The following MRPL50 variants were observed in gnomAD, a reference collection of about 807,000 sequenced individuals.
The protein encoded by MRPL50 is large ribosomal subunit protein mL50.
A neutral mutation model predicts 16.2 loss-of-function variants in MRPL50; 10 were observed. The ratio of observed to expected loss-of-function variants is 0.62; its 90% CI spans 0.38 to 1.05. The LOEUF (loss-of-function observed/expected upper bound fraction) is 1.05. Ranked by LOEUF, MRPL50 falls within the 50% of genes least tolerant of loss-of-function variation. The pLI is 0.01. For synonymous variants in MRPL50, 68 were observed against 66.8 expected, an observed-to-expected ratio of 1.02 and a Z score of -0.09; for missense variants, 213 against 187.1, an observed-to-expected ratio of 1.14 and a Z score of -0.81.
rs995305188 is a variant in MRPL50, at chr9:101,389,740, C to G, written c.*726G>C. 1 of 225,910 alleles carries G rather than the reference C, an allele frequency of 4.4e-6. No homozygotes were observed. The highest frequency in any genetic ancestry group is 8.6e-6 in the Non-Finnish European group (1 of 116,748). The allele number at this position is 225,910 out of a possible 1,614,324, so 14.0% of individuals were successfully genotyped here. Reference sequence around the variant, plus strand: ...AAGACTTGCCACTCTAGTGAATACTCAGCACCACTTTTTAAAAGTTATAGA... The same window carrying G: ...AAGACTTGCCACTCTAGTGAATACTGAGCACCACTTTTTAAAAGTTATAGA... On this transcript the variant is annotated 3_prime_UTR_variant, in exon 2 of 2. Transcript: ENST00000374865.
chr9:101,389,590 TCATTACTCTCCAGC>T lies in MRPL50; in HGVS notation c.*862_*875del. On this transcript the variant is annotated 3_prime_UTR_variant, in exon 2 of 2. Coordinates refer to ENST00000374865, the MANE Select transcript of MRPL50 (RefSeq NM_019051.3). ...AACAATATAAGACATTCCTTCTGTC[TCATTACTCTCCAGC>T]CATATCTAAAGCTTGAAAAAAAAAT... is the stretch of plus-strand genomic sequence containing the variant. The T allele has an allele frequency of 1.5e-6, 1 of 662,274 alleles. No homozygotes were observed. Among genetic ancestry groups the T allele is most frequent in the South Asian group, 1.8e-5 (1 of 54,256 alleles). 41.0% of individuals were successfully genotyped at this position (662,274 alleles called of 1,614,324 possible).
chr9:101,393,803 T>C (rs950396661), intron 1 of MRPL50, among the ~76,000 whole-genome samples: 1 of 151,624 alleles, frequency 6.6e-6, no homozygotes, highest in Non-Finnish European at 1.5e-5. Context: ...ACACAAAAAA[T>C]GGAGATATCC....
In MRPL50 at chr9:101,387,933, A is replaced by G. The variant is rs898111657; in HGVS notation, c.*2533T>C. On this transcript the variant is annotated 3_prime_UTR_variant, in exon 2 of 2. Transcript: ENST00000374865. ...TAAAGGCCATTATTCTGATATATTC[A>G]CTGTATTGAACTATAAACCAGTGAT... 2.0e-5 allele frequency: 3 copies of G among 152,102 alleles called. No homozygotes were observed. The East Asian group carries it at 5.8e-4, about 29-fold the overall frequency. The allele number at this position is 152,102 out of a possible 1,614,324, so 9.4% of individuals were successfully genotyped here.
chr9:101,392,772 C>G (rs1026438242), intron 1 of MRPL50, among the ~76,000 whole-genome samples: 3 of 152,012 alleles, frequency 2.0e-5, no homozygotes, highest in African/African-American at 7.2e-5. Context: ...GGAGAGAATA[C>G]TTCCAAACAC....
At chr9:101,395,053 A>G (rs560784823) in intron 1 of MRPL50, among the ~76,000 whole-genome samples, 10 of 152,320 alleles carry the variant, frequency 6.6e-5, no homozygotes, top group Non-Finnish European at 1.2e-4. Flanking sequence ...TAACCAGAAT[A>G]TACAAGGAAC....
intron 1 of MRPL50, among the ~76,000 whole-genome samples, chr9:101,393,180 A>C (rs1279182357): frequency 3.9e-5 from 6 of 152,114 alleles, no homozygotes; most frequent in Non-Finnish European, 1.5e-5. Flanking sequence ...ACTCTCAATA[A>C]ACTGGATACT....
At chr9:101,393,753 T>A (rs1257351242) in intron 1 of MRPL50, among the ~76,000 whole-genome samples, 1 of 151,358 alleles carries the variant, frequency 6.6e-6, no homozygotes. Flanking sequence ...GTCTCTACAA[T>A]AAAAACTATA....
chr9:101,389,403 T>C lies in MRPL50; in HGVS notation c.*1063A>G, dbSNP rs778075049. 83 of 1,193,216 alleles carry C rather than the reference T, an allele frequency of 7.0e-5. No individual in the cohort carries two copies. Among genetic ancestry groups the C allele is most frequent in the Non-Finnish European group, 8.7e-5 (79 of 903,270 alleles). The allele number at this position is 1,193,216 out of a possible 1,614,324, so 73.9% of individuals were successfully genotyped here. A position where few individuals can be genotyped will look rare whatever the true frequency, so the allele number is the denominator to read the frequency against. Reference sequence around the variant, plus strand: ...GCCTGTGGATGATATTTGTAGGGCATGTCTATACTGTTAACTAATTTTCTT... The same window carrying C: ...GCCTGTGGATGATATTTGTAGGGCACGTCTATACTGTTAACTAATTTTCTT... On this transcript the variant is annotated 3_prime_UTR_variant, in exon 2 of 2. Coordinates refer to ENST00000374865, the MANE Select transcript of MRPL50 (RefSeq NM_019051.3).
At chr9:101,392,172 A>T (rs542197615) in intron 1 of MRPL50, among the ~76,000 whole-genome samples, 1 of 152,206 alleles carries the variant, frequency 6.6e-6, no homozygotes, top group African/African-American at 2.4e-5. Context: ...AAGCAGTAGT[A>T]AGAGGGAAGC....
chr9:101,390,735 A>G lies in MRPL50; in HGVS notation c.208T>C (p.Leu70=), dbSNP rs756309346. The change falls in exon 2 of 2, where the codon TTG becomes CTG. Residue 70 remains leucine (L), a synonymous_variant. Coordinates refer to ENST00000374865, the MANE Select transcript of MRPL50 (RefSeq NM_019051.3). Reference sequence around the variant, plus strand: ...AAAACTTCTTTAACGTAAGATTCCAAACGACTCTGGAGATCTTCAGGTGGT... The same window carrying G: ...AAAACTTCTTTAACGTAAGATTCCAGACGACTCTGGAGATCTTCAGGTGGT... ...YTPPEDLQSR[L]ESYVKEVFGS... is the part of the protein sequence containing the mutation. 1 of 1,095,770 alleles carries G rather than the reference A, an allele frequency of 9.1e-7. No homozygotes were observed. Among genetic ancestry groups the G allele is most frequent in the Non-Finnish European group, 1.3e-6 (1 of 749,660 alleles). The allele number at this position is 1,095,770 out of a possible 1,614,324, so 67.9% of individuals were successfully genotyped here.
intron 1 of MRPL50, among the ~76,000 whole-genome samples, chr9:101,394,230 T>C (rs554834962): frequency 6.6e-6 from 1 of 152,170 alleles, no homozygotes; most frequent in Non-Finnish European, 1.5e-5. Flanking sequence ...GAAATTATGG[T>C]TAGGGGTCAT....
At chr9:101,397,871 A>AG (rs1830380127) in intron 1 of MRPL50, among the ~76,000 whole-genome samples, 1 of 152,236 alleles carries the variant, frequency 6.6e-6, no homozygotes, top group South Asian at 2.1e-4. Context: ...GCCGTGCAGC[A>AG]GAAAAAGCAG....
In MRPL50 at chr9:101,389,369, G is replaced by T; in HGVS notation, c.*1097C>A. On this transcript the variant is annotated 3_prime_UTR_variant, in exon 2 of 2. Coordinates refer to ENST00000374865, the MANE Select transcript of MRPL50 (RefSeq NM_019051.3). ...AGGCACTCTGACACCTGAAGTTCTT[G>T]AATGAAGTGCCTGTGGATGATATTT... 1 of 935,182 alleles carries T rather than the reference G, an allele frequency of 1.1e-6. No homozygotes were observed. Among genetic ancestry groups the T allele is most frequent in the Non-Finnish European group, 1.5e-6 (1 of 686,970 alleles). 57.9% of individuals were successfully genotyped at this position (935,182 alleles called of 1,614,324 possible).
In MRPL50 at chr9:101,390,551, T is replaced by C; in HGVS notation, c.392A>G (p.Asn131Ser). Residue 131 changes from asparagine (N) to serine (S), a missense_variant, in exon 2 of 2, where the codon AAT becomes AGT. By Grantham distance (46) the Asn-to-Ser change is conservative. Transcript: ENST00000374865. Reference sequence around the variant, plus strand: ...TTTAGATCTATCTTGAATAGGGACATTATAGAAATCAAGAACATCTCTAAC... The same window carrying C: ...TTTAGATCTATCTTGAATAGGGACACTATAGAAATCAAGAACATCTCTAAC... The part of the protein sequence containing the change: ...CRVRDVLDFY[N>S]VPIQDRSKFD... 4 of 1,613,410 alleles carry C rather than the reference T, an allele frequency of 2.5e-6. No homozygotes were observed. Among genetic ancestry groups the C allele is most frequent in the Non-Finnish European group, 3.4e-6 (4 of 1,179,492 alleles).
chr9:101,392,465 T>C (rs565392867), intron 1 of MRPL50, among the ~76,000 whole-genome samples: 1 of 151,998 alleles, frequency 6.6e-6, no homozygotes, highest in South Asian at 2.1e-4. Flanking sequence ...GATATTACAC[T>C]GATATCACAA....
chr9:101,393,990 CAAAAAAAAAAAA>C (rs76598460), intron 1 of MRPL50, among the ~76,000 whole-genome samples: 1 of 66,484 alleles, frequency 1.5e-5, no homozygotes, highest in African/African-American at 5.1e-5. Context: ...TAATGCTAAG[CAAAAAAAAAAAA>C]AAAAAAAAAA....
intron 1 of MRPL50, 52 bp from the exon 2 acceptor site, chr9:101,390,902 C>A: frequency 6.6e-7 from 1 of 1,526,664 alleles, no homozygotes; most frequent in Non-Finnish European, 8.8e-7. Flanking sequence ...TTGACAAACA[C>A]CAGACCAAAT....
Position 101,387,887 on chromosome 9 carries a change from A to G in MRPL50, c.*2579T>C, listed in dbSNP as rs1218473551. On this transcript the variant is annotated 3_prime_UTR_variant, in exon 2 of 2. Coordinates refer to ENST00000374865, the MANE Select transcript of MRPL50 (RefSeq NM_019051.3). The stretch of plus-strand genomic sequence containing the variant: ...TCTCATTAAACAAGTTAGCAAGCCT[A>G]ATTTAATCTTTCAGGAAAACTAAAG... 1 of 152,148 alleles carries G rather than the reference A, an allele frequency of 6.6e-6. No homozygotes were observed. Among genetic ancestry groups the G allele is most frequent in the African/African-American group, 2.4e-5 (1 of 41,434 alleles). 9.4% of individuals were successfully genotyped at this position (152,148 alleles called of 1,614,324 possible).
Position 101,390,482 on chromosome 9 carries a change from A to T in MRPL50, c.461T>A (p.Ile154Asn). The T allele has an allele frequency of 1.2e-6, 2 of 1,611,154 alleles. No individual in the cohort carries two copies. The highest frequency in any genetic ancestry group is 1.7e-6 in the Non-Finnish European group (2 of 1,178,372). The change falls in exon 2 of 2, where the codon ATC becomes AAC. Residue 154 changes from isoleucine to asparagine, a missense_variant. Coordinates refer to ENST00000374865, the MANE Select transcript of MRPL50 (RefSeq NM_019051.3). ...CCGAATTGCTTAGTAACTCCAAGTGATTTTCAAATTGGGGGGCAGATTACT... is the reference window on the plus strand; with the variant it reads ...CCGAATTGCTTAGTAACTCCAAGTGTTTTTCAAATTGGGGGGCAGATTACT... ...SASNLPPNLK[I>N]TWSY is the part of the protein sequence containing the mutation.
Sources: allele counts gnomAD v4.1 joint callset (sites outside exome capture counted in the v4.1 genomes callset), GRCh38; gene constraint gnomAD v4.1.1; transcripts MANE v1.5; gene names NCBI Gene and HGNC (gene_info 2026-07-23, HGNC 2026-07-21).